LOC400499: variants seen among roughly 807,000 people sequenced by gnomAD.
chr16:11,459,351 C>T, the LOC400499 span, among the ~76,000 whole-genome samples: 25 of 151,682 alleles, frequency 1.6e-4, 1 homozygote, highest in Admixed American at 1.6e-3. Flanking sequence ...CACCTGCCCC[C>T]GCGCCCAGCT....
the LOC400499 span, among the ~76,000 whole-genome samples, chr16:11,486,272 GGGATGGAT>G: frequency 5.2e-4 from 23 of 43,944 alleles, no homozygotes; most frequent in Non-Finnish European, 7.8e-4. Flanking sequence ...GATGGATGGA[GGGATGGAT>G]GGATGGATGG....
the LOC400499 span, among the ~76,000 whole-genome samples, chr16:11,419,837 G>GA: frequency 2.0e-5 from 3 of 151,596 alleles, no homozygotes; most frequent in Non-Finnish European, 2.9e-5. Context: ...AAAGACACAT[G>GA]AAAAAATGCT....
chr16:11,462,290 A>G, the LOC400499 span: 11 of 1,500,354 alleles, frequency 7.3e-6, no homozygotes, highest in African/African-American at 1.5e-4. Context: ...GGCTGGCTGC[A>G]GGTCACTCCA....
At chr16:11,436,502 G>C in the LOC400499 span, among the ~76,000 whole-genome samples, 1 of 152,104 alleles carries the variant, frequency 6.6e-6, no homozygotes, top group African/African-American at 2.4e-5. Flanking sequence ...CCTGATCTGG[G>C]CCTCAGTTTC....
At chr16:11,387,978 C>G in the LOC400499 span, among the ~76,000 whole-genome samples, 1 of 152,106 alleles carries the variant, frequency 6.6e-6, no homozygotes, top group African/African-American at 2.4e-5. Flanking sequence ...TTCTCAGGAT[C>G]TAGAGTAGGA....
At chr16:11,484,971 G>A in the LOC400499 span, 2 of 399,170 alleles carry the variant, frequency 5.0e-6, no homozygotes, top group South Asian at 1.3e-4. Context: ...GGCCCTGGGG[G>A]TTCCTCTGGC....
the LOC400499 span, among the ~76,000 whole-genome samples, chr16:11,393,106 G>C: frequency 2.0e-5 from 3 of 151,680 alleles, no homozygotes; most frequent in Non-Finnish European, 4.4e-5. Flanking sequence ...CACCCACCTC[G>C]GCCTCCCAAA....
At chr16:11,446,724 G>A in the LOC400499 span, 24 of 1,533,838 alleles carry the variant, frequency 1.6e-5, no homozygotes, top group South Asian at 8.3e-5. Context: ...GGCCCCTTCC[G>A]GGCTATGCCC....
chr16:11,377,922 T>C, the LOC400499 span, among the ~76,000 whole-genome samples: 4 of 152,222 alleles, frequency 2.6e-5, no homozygotes, highest in African/African-American at 7.2e-5. Flanking sequence ...ATCTTCTGCT[T>C]TTCTTTCCTG....
the LOC400499 span, among the ~76,000 whole-genome samples, chr16:11,478,326 C>A: frequency 6.6e-6 from 1 of 152,004 alleles, no homozygotes; most frequent in Non-Finnish European, 1.5e-5. Flanking sequence ...CTTCGCCGAA[C>A]CAGATATTTT....
chr16:11,384,211 C>T, the LOC400499 span: 1 of 1,228,184 alleles, frequency 8.1e-7, no homozygotes, highest in Non-Finnish European at 1.0e-6. Context: ...GGTGCACCCG[C>T]TCACCTGCCA....
At chr16:11,456,987 T>A in the LOC400499 span, 5 of 1,535,834 alleles carry the variant, frequency 3.3e-6, no homozygotes, top group South Asian at 5.9e-5. Context: ...GAGGCTCAAG[T>A]GGTAAAGCTG....
the LOC400499 span, among the ~76,000 whole-genome samples, chr16:11,384,696 C>A: frequency 3.4e-4 from 52 of 152,312 alleles, no homozygotes; most frequent in African/African-American, 1.2e-3. Context: ...GGCCTCTGTG[C>A]GGTCATCTGG....
chr16:11,523,948 T>C, the LOC400499 span, among the ~76,000 whole-genome samples: 96 of 64,746 alleles, frequency 1.5e-3, no homozygotes, highest in African/African-American at 5.6e-3. Flanking sequence ...AATTCCCCTA[T>C]CCATCCACCC....
the LOC400499 span, chr16:11,436,006 A>G: frequency 4.2e-4 from 168 of 397,646 alleles, no homozygotes; most frequent in African/African-American, 3.1e-3. Context: ...CATGGTAGAC[A>G]GCACACAATT....
At chr16:11,483,832 G>C in the LOC400499 span, among the ~76,000 whole-genome samples, 1 of 151,744 alleles carries the variant, frequency 6.6e-6, no homozygotes, top group Non-Finnish European at 1.5e-5. Context: ...CCAAGATCAT[G>C]CCACTGCACT....
the LOC400499 span, chr16:11,460,029 G>T: frequency 2.0e-6 from 3 of 1,469,132 alleles, no homozygotes; most frequent in Non-Finnish European, 1.8e-6. Context: ...CAGGTGGCCC[G>T]AGTCCTCCTC....
chr16:11,494,339 CAGT>C, the LOC400499 span, among the ~76,000 whole-genome samples: 4 of 131,078 alleles, frequency 3.1e-5, no homozygotes, highest in Non-Finnish European at 6.4e-5. Flanking sequence ...CACCCCCACT[CAGT>C]GGTGTTGGGG....
chr16:11,457,045 G>C, the LOC400499 span: 3 of 1,513,610 alleles, frequency 2.0e-6, no homozygotes, highest in African/African-American at 2.7e-5. Flanking sequence ...ACAAACTGGA[G>C]AATGCCCACC....
Sources: allele counts gnomAD v4.1 joint callset (sites outside exome capture counted in the v4.1 genomes callset), GRCh38; gene constraint gnomAD v4.1.1; transcripts MANE v1.5.